GOLIM4: variants seen among roughly 807,000 people sequenced by gnomAD.
The protein encoded by GOLIM4 is 130 kDa golgi-localized phosphoprotein.
GOLIM4 carries 71 observed loss-of-function variants against 107.4 expected under a neutral mutation model. That is an observed-to-expected ratio of 0.66 (90% CI 0.55 to 0.81). GOLIM4 has a LOEUF of 0.81. Ranked by LOEUF, GOLIM4 falls within the 30% of genes least tolerant of loss-of-function variation. GOLIM4 has a pLI of 0.00. For missense variants in GOLIM4, 830 were observed against 826.1 expected (o/e 1.00, Z -0.06); for synonymous variants, 327 against 294.8 (o/e 1.11, Z -1.12).
In GOLIM4 at chr3:168,082,321, A is replaced by G. The variant is rs534421337; in HGVS notation, c.187+12778T>C. 2.4e-3 allele frequency among the ~76,000 whole-genome samples: 371 copies of G among 152,260 alleles called. 1 individual carries two copies. Among genetic ancestry groups the G allele is most frequent in the African/African-American group, 8.5e-3 (355 of 41,570 alleles). On this transcript the variant is annotated intron_variant, in intron 1 of 15. Transcript: ENST00000470487. ...TGCTGGATAGGAGGCAGTTCTAAGA[A>G]CAGCTGGAAGCCAACAGTAAAGACA...
In GOLIM4 at chr3:168,016,717, A is replaced by G. The variant is rs530426534; in HGVS notation, c.1861-5894T>C. Among the ~76,000 whole-genome samples, 8 of 134,902 alleles carry G rather than the reference A, an allele frequency of 5.9e-5. No homozygotes were observed. The East Asian group carries it at 1.4e-3, about 23-fold the overall frequency. 88.5% of individuals were successfully genotyped at this position (134,902 alleles called of 152,430 possible). The stretch of plus-strand genomic sequence containing the variant: ...CCATGGAATACTATGCAGCCATAAA[A>G]AAGTATGAGTTCATGTCCTTTGTAG... On this transcript the variant is annotated intron_variant, in intron 14 of 15. Coordinates refer to ENST00000470487, the MANE Select transcript of GOLIM4 (RefSeq NM_014498.5).
At chr3:168,092,833 TG>T (rs58334697) in intron 1 of GOLIM4, among the ~76,000 whole-genome samples, 4,541 of 152,202 alleles carry the variant, frequency 0.03, 237 homozygotes, top group African/African-American at 0.1. Context: ...AAGTCAAAAG[TG>T]AATCCACAAA....
chr3:168,067,367 G>C (rs1017898176), intron 1 of GOLIM4, among the ~76,000 whole-genome samples: 1 of 151,758 alleles, frequency 6.6e-6, no homozygotes, highest in Admixed American at 6.6e-5. Flanking sequence ...TACATAATTA[G>C]CAGTATATGT....
At chr3:168,010,881 T>C in intron 14 of GOLIM4, 58 bp from the exon 15 acceptor site, 1 of 1,152,934 alleles carries the variant, frequency 8.7e-7, no homozygotes, top group Non-Finnish European at 1.3e-6. Context: ...CTTGCGATAA[T>C]ATATTTTGAC....
At chr3:168,080,966 G>A (rs1202855473) in intron 1 of GOLIM4, among the ~76,000 whole-genome samples, 1 of 152,050 alleles carries the variant, frequency 6.6e-6, no homozygotes, top group Non-Finnish European at 1.5e-5. Flanking sequence ...TTTGACACCT[G>A]GAATCTAAAA....
chr3:168,017,215 T>C (rs1717422244), intron 14 of GOLIM4, among the ~76,000 whole-genome samples: 2 of 152,020 alleles, frequency 1.3e-5, no homozygotes, highest in African/African-American at 4.8e-5. Flanking sequence ...TGGCCAGGCG[T>C]GGTGGCTCAC....
Position 168,010,225 on chromosome 3 carries a change from GA to G in GOLIM4, c.*43del. ...AGGCAGATTTATGTTTGAGCAGCTTGAAAAGAATCCGTTGGCTGAGCGTTGT... is the reference window on the plus strand; with the variant it reads ...AGGCAGATTTATGTTTGAGCAGCTTGAAAGAATCCGTTGGCTGAGCGTTGT... On this transcript the variant is annotated 3_prime_UTR_variant, in exon 16 of 16. Transcript: ENST00000470487. 1 of 1,569,556 alleles carries G rather than the reference GA, an allele frequency of 6.4e-7. No individual in the cohort carries two copies. Among genetic ancestry groups the G allele is most frequent in the East Asian group, 2.3e-5 (1 of 44,390 alleles).
At chr3:168,014,623 T>C (rs1717257617) in intron 14 of GOLIM4, among the ~76,000 whole-genome samples, 1 of 137,380 alleles carries the variant, frequency 7.3e-6, no homozygotes, top group East Asian at 2.0e-4. Flanking sequence ...TGATGAACAT[T>C]GATGCAAAAA....
rs1716822244 is a variant in GOLIM4 at position 168,008,853 on chromosome 3, C to G, written c.*1416G>C. On this transcript the variant is annotated 3_prime_UTR_variant, in exon 16 of 16. Coordinates refer to ENST00000470487, the MANE Select transcript of GOLIM4 (RefSeq NM_014498.5). ...TTACATTACATAATGGGTTTTTATA[C>G]ATAAAGGTAAGATTTCTGATTATTG... 1 of 151,790 alleles carries G rather than the reference C, an allele frequency of 6.6e-6. No individual in the cohort carries two copies. The highest frequency in any genetic ancestry group is 2.4e-5 in the African/African-American group (1 of 41,350). 9.4% of individuals were successfully genotyped at this position (151,790 alleles called of 1,614,324 possible). A position where few individuals can be genotyped will look rare whatever the true frequency, so the allele number is the denominator to read the frequency against.
chr3:168,018,084 A>G (rs932530383), intron 14 of GOLIM4, among the ~76,000 whole-genome samples: 3 of 152,204 alleles, frequency 2.0e-5, no homozygotes, highest in Admixed American at 6.5e-5. Flanking sequence ...TGCATTTCAA[A>G]AAAACTGCTG....
At chr3:168,086,636 T>C (rs948241156) in intron 1 of GOLIM4, among the ~76,000 whole-genome samples, 4 of 152,192 alleles carry the variant, frequency 2.6e-5, no homozygotes, top group Non-Finnish European at 5.9e-5. Context: ...ACATTTTATG[T>C]ATGAAAAATA....
rs376134349 is a variant in GOLIM4, at chr3:168,036,418, A to C, written c.843+418T>G. On this transcript the variant is annotated intron_variant, in intron 8 of 15. Coordinates refer to ENST00000470487, the MANE Select transcript of GOLIM4 (RefSeq NM_014498.5). Reference sequence around the variant, plus strand: ...TAGCCAGGCGTGGTGGCGGGCGCCTATAATCCCAGCTACTCGGGAGGCTGA... The same window carrying C: ...TAGCCAGGCGTGGTGGCGGGCGCCTCTAATCCCAGCTACTCGGGAGGCTGA... 3.3e-5 allele frequency among the ~76,000 whole-genome samples: 5 copies of C among 152,124 alleles called. No individual in the cohort carries two copies. In the East Asian group the frequency reaches 7.7e-4, roughly 23 times the overall value.
chr3:168,050,328 C>T (rs565275813), intron 1 of GOLIM4, among the ~76,000 whole-genome samples: 1 of 152,166 alleles, frequency 6.6e-6, no homozygotes, highest in East Asian at 1.9e-4. Flanking sequence ...TTACTAAAAT[C>T]CTTTCAAAAC....
intron 1 of GOLIM4, among the ~76,000 whole-genome samples, chr3:168,051,647 T>C (rs1280983598): frequency 1.3e-5 from 2 of 152,184 alleles, no homozygotes; most frequent in East Asian, 1.9e-4. Flanking sequence ...GAATAGAGTA[T>C]ATATATGTAG....
intron 14 of GOLIM4, among the ~76,000 whole-genome samples, chr3:168,015,611 G>A (rs1489026205): frequency 1.5e-5 from 2 of 136,430 alleles, no homozygotes; most frequent in Non-Finnish European, 3.0e-5. Context: ...GAACAAAGCC[G>A]GAGGCATCAC....
rs935182727 is a variant in GOLIM4, at chr3:168,009,801, C to A, written c.*468G>T. The A allele has an allele frequency of 6.6e-6, 1 of 152,662 alleles. No individual in the cohort carries two copies. Among genetic ancestry groups the A allele is most frequent in the Non-Finnish European group, 1.5e-5 (1 of 68,448 alleles). 9.5% of individuals were successfully genotyped at this position (152,662 alleles called of 1,614,324 possible). On this transcript the variant is annotated 3_prime_UTR_variant, in exon 16 of 16. Coordinates refer to ENST00000470487, the MANE Select transcript of GOLIM4 (RefSeq NM_014498.5). ...TAGACTGGTGAAAATTCTATCAGAG[C>A]TATACATAAAGACATCAGAAGGGCA... is the stretch of plus-strand genomic sequence containing the variant.
At chr3:168,057,893 C>G (rs1423020821) in intron 1 of GOLIM4, among the ~76,000 whole-genome samples, 1 of 152,158 alleles carries the variant, frequency 6.6e-6, no homozygotes, top group Non-Finnish European at 1.5e-5. Flanking sequence ...AGATTTCATT[C>G]TCTTCCACCT....
At chr3:168,033,079 C>A (rs912846018) in intron 8 of GOLIM4, among the ~76,000 whole-genome samples, 16 of 152,132 alleles carry the variant, frequency 1.1e-4, no homozygotes, top group African/African-American at 3.9e-4. Flanking sequence ...GTGAAGAATA[C>A]AGTAAATAAC....
At chr3:168,040,757 G>C (rs764887854) in intron 7 of GOLIM4, 29 bp downstream of exon 7, 1 of 1,447,530 alleles carries the variant, frequency 6.9e-7, no homozygotes, top group East Asian at 2.3e-5. Context: ...ACTTGTAAAA[G>C]AACCCACAGA....
Sources: allele counts gnomAD v4.1 joint callset (sites outside exome capture counted in the v4.1 genomes callset), GRCh38; gene constraint gnomAD v4.1.1; transcripts MANE v1.5; gene names NCBI Gene and HGNC (gene_info 2026-07-23, HGNC 2026-07-21).